TGFA: variants seen among roughly 807,000 people sequenced by gnomAD.
The protein encoded by TGFA is transforming growth factor alpha.
TGFA carries 12 observed loss-of-function variants against 21.7 expected under a neutral mutation model. The observed-to-expected ratio is 0.55, with a 90% CI of 0.35 to 0.90. The LOEUF (loss-of-function observed/expected upper bound fraction) is 0.90. Among genes scored for constraint, TGFA ranks in the 40% least tolerant of loss-of-function variants. The probability of loss-of-function intolerance (pLI) is 0.01; values close to 1 mark genes in which losing one functional copy is unlikely to be tolerated. For synonymous variants in TGFA, 79 were observed against 88.1 expected (o/e 0.90, Z 0.58); for missense variants, 178 against 210.8 (o/e 0.84, Z 0.96).
At chr2:70,500,970 C>CA (rs34669349) in intron 2 of TGFA, among the ~76,000 whole-genome samples, 268 of 143,848 alleles carry the variant, frequency 1.9e-3, no homozygotes, top group East Asian at 3.0e-3. Context: ...GGGCCATCTC[C>CA]AAAAAAAAAA....
chr2:70,545,883 G>T (rs1673287685), intron 1 of TGFA, among the ~76,000 whole-genome samples: 1 of 152,068 alleles, frequency 6.6e-6, no homozygotes, highest in East Asian at 1.9e-4. Context: ...CTCATATAAA[G>T]TGTTATTATA....
At chr2:70,509,394 C>T (rs1553500660) in intron 2 of TGFA, among the ~76,000 whole-genome samples, 1 of 152,178 alleles carries the variant, frequency 6.6e-6, no homozygotes, top group East Asian at 1.9e-4. Context: ...CATCTGCCTT[C>T]CTTCTGTGCA....
At chr2:70,484,724 A>C (rs1671221477) in intron 2 of TGFA, among the ~76,000 whole-genome samples, 1 of 152,176 alleles carries the variant, frequency 6.6e-6, no homozygotes, top group Admixed American at 6.5e-5. Flanking sequence ...TCTGAGATAG[A>C]ATCTGCCATT....
intron 2 of TGFA, among the ~76,000 whole-genome samples, chr2:70,469,054 G>C (rs1010299979): frequency 1.3e-5 from 2 of 152,078 alleles, no homozygotes; most frequent in African/African-American, 2.4e-5. Flanking sequence ...CTCCACAAAA[G>C]GCCGTTTAAA....
chr2:70,473,290 C>T (rs1361824787), intron 2 of TGFA, among the ~76,000 whole-genome samples: 1 of 152,152 alleles, frequency 6.6e-6, no homozygotes. Context: ...GGTGGCAGAA[C>T]TGCTAAGCCA....
chr2:70,466,299 G>A (rs1446208233), intron 2 of TGFA, among the ~76,000 whole-genome samples: 2 of 152,204 alleles, frequency 1.3e-5, no homozygotes, highest in Admixed American at 6.5e-5. Flanking sequence ...ATGAGGTCAG[G>A]AGATCGAGAC....
chr2:70,504,441 T>TATATACATAC (rs1671841214), intron 2 of TGFA, among the ~76,000 whole-genome samples: 1 of 71,002 alleles, frequency 1.4e-5, no homozygotes, highest in Non-Finnish European at 2.7e-5. Context: ...CAAATATATA[T>TATATACATAC]ATATATATAT....
At chr2:70,553,584 TC>T in intron 1 of TGFA, 143 bp downstream of exon 1, 2 of 1,311,396 alleles carry the variant, frequency 1.5e-6, no homozygotes, top group South Asian at 2.4e-5. Context: ...TCCCCTTGCC[TC>T]CCAGGCGCCA....
chr2:70,553,255 T>C, intron 1 of TGFA: 2 of 1,536,094 alleles, frequency 1.3e-6, no homozygotes, highest in Non-Finnish European at 1.7e-6. Context: ...TGCTCGTCGC[T>C]GGGGCTTAGA....
intron 2 of TGFA, among the ~76,000 whole-genome samples, chr2:70,480,273 G>A (rs920852198): frequency 2.6e-5 from 4 of 152,102 alleles, no homozygotes; most frequent in Non-Finnish European, 5.9e-5. Context: ...TAAGGCATTG[G>A]CAGGATCCAG....
chr2:70,502,274 C>T (rs916481667), intron 2 of TGFA, among the ~76,000 whole-genome samples: 35 of 152,196 alleles, frequency 2.3e-4, no homozygotes, highest in African/African-American at 7.7e-4. Context: ...ACTGGAATAG[C>T]GGGTTCCATG....
chr2:70,454,239 C>G (rs1670150944), intron 4 of TGFA, among the ~76,000 whole-genome samples: 2 of 152,206 alleles, frequency 1.3e-5, no homozygotes, highest in Non-Finnish European at 2.9e-5. Context: ...CTGGGCTTCT[C>G]TCTTGGTATC....
chr2:70,451,090 T>TGAGTGAGTGAGTGATAGCAGAAG lies in TGFA; in HGVS notation c.476-247_476-225dup, dbSNP rs559022988. Among the ~76,000 whole-genome samples the TGAGTGAGTGAGTGATAGCAGAAG allele has an allele frequency of 2.9e-3, 432 of 147,152 alleles. 1 individual carries two copies. The highest frequency in any genetic ancestry group is 9.7e-3 in the African/African-American group (374 of 38,362). On this transcript the variant is annotated intron_variant, in intron 5 of 5. Transcript: ENST00000295400. ...GCTAGAGAGACTGATTGAAAGTGAG[T>TGAGTGAGTGAGTGATAGCAGAAG]GAGTGAGTGAGTGATAGCAGAAGGA...
At chr2:70,478,754 T>C (rs1480678213) in intron 2 of TGFA, among the ~76,000 whole-genome samples, 1 of 152,238 alleles carries the variant, frequency 6.6e-6, no homozygotes, top group African/African-American at 2.4e-5. Flanking sequence ...AAATAACCTG[T>C]GTTTAGAAAA....
chr2:70,504,469 CATACAT>C lies in TGFA; in HGVS notation c.94+10384_94+10389del, dbSNP rs1553499794. Among the ~76,000 whole-genome samples the C allele has an allele frequency of 1.7e-3, 137 of 80,642 alleles. 1 individual carries two copies. Among genetic ancestry groups the C allele is most frequent in the African/African-American group, 5.3e-3 (125 of 23,522 alleles). 52.9% of individuals were successfully genotyped at this position (80,642 alleles called of 152,430 possible). ...ATATATATATATATATATATACACA[CATACAT>C]ACATACATACACACACACACACACA... On this transcript the variant is annotated intron_variant, in intron 2 of 5. Transcript: ENST00000295400.
intron 2 of TGFA, among the ~76,000 whole-genome samples, chr2:70,483,717 A>C (rs1269629389): frequency 6.6e-6 from 1 of 152,206 alleles, no homozygotes; most frequent in African/African-American, 2.4e-5. Flanking sequence ...GTTTGTGGCC[A>C]ATAGCCACAA....
intron 3 of TGFA, among the ~76,000 whole-genome samples, chr2:70,465,045 A>G (rs1553491957): frequency 6.6e-6 from 1 of 152,198 alleles, no homozygotes. Flanking sequence ...GTTCAGTAAT[A>G]CTTCGAGAAG....
At chr2:70,479,966 A>G (rs1336816857) in intron 2 of TGFA, among the ~76,000 whole-genome samples, 1 of 152,222 alleles carries the variant, frequency 6.6e-6, no homozygotes, top group Non-Finnish European at 1.5e-5. Context: ...GATTTCTTGC[A>G]TCATCATCTT....
At chr2:70,534,735 C>G (rs1553504169) in intron 1 of TGFA, among the ~76,000 whole-genome samples, 1 of 152,122 alleles carries the variant, frequency 6.6e-6, no homozygotes, top group East Asian at 1.9e-4. Flanking sequence ...GGCAGTATTT[C>G]TTTTTAACCA....
Sources: allele counts gnomAD v4.1 joint callset (sites outside exome capture counted in the v4.1 genomes callset), GRCh38; gene constraint gnomAD v4.1.1; transcripts MANE v1.5; gene names NCBI Gene and HGNC (gene_info 2026-07-23, HGNC 2026-07-21).